SLC35F4: variants seen among roughly 807,000 people sequenced by gnomAD.
The protein encoded by SLC35F4 is chromosome 14 open reading frame 36.
SLC35F4 carries 24 observed loss-of-function variants against 44.2 expected under a neutral mutation model. The observed-to-expected ratio is 0.54, with a 90% CI of 0.39 to 0.76. SLC35F4 has a LOEUF of 0.76. Ranked by LOEUF, SLC35F4 falls within the 30% of genes least tolerant of loss-of-function variation. SLC35F4 has a pLI of 0.00. For missense variants in SLC35F4, 562 were observed against 586.1 expected (o/e 0.96, Z 0.42); for synonymous variants, 238 against 223.6 (o/e 1.06, Z -0.57).
intron 1 of SLC35F4, among the ~76,000 whole-genome samples, chr14:57,954,101 C>G (rs776809808): frequency 1.3e-5 from 2 of 152,108 alleles, no homozygotes; most frequent in Non-Finnish European, 2.9e-5. Context: ...TGCAATCAAA[C>G]TAGAACTCAG....
chr14:57,662,446 C>A (rs1008598182), intron 1 of SLC35F4, among the ~76,000 whole-genome samples: 1 of 152,132 alleles, frequency 6.6e-6, no homozygotes, highest in Non-Finnish European at 1.5e-5. Context: ...ATGCCTTTCT[C>A]GAGAGACTGA....
At position 57,815,084 on chromosome 14, in the gene SLC35F4, T is replaced by TTA. The variant is rs560159694; in HGVS notation, c.103+50638_103+50639insTA. ...TTTTGCTGCACTACAACTGCAGAGT[T>TTA]AACTAGTTTCAAAAGGCACCAAATG... On this transcript the variant is annotated intron_variant, in intron 1 of 7. Coordinates refer to ENST00000556826, the MANE Select transcript of SLC35F4 (RefSeq NM_001306087.2). Among the ~76,000 whole-genome samples, 15 of 152,328 alleles carry TTA rather than the reference T, an allele frequency of 9.8e-5. No homozygotes were observed. In the South Asian group the frequency reaches 3.1e-3, roughly 32 times the overall value.
At chr14:57,925,091 T>A (rs1274220746) in intron 1 of SLC35F4, among the ~76,000 whole-genome samples, 2 of 151,938 alleles carry the variant, frequency 1.3e-5, no homozygotes, top group African/African-American at 4.8e-5. Flanking sequence ...CAGGAACTAA[T>A]AAAGTGAGAA....
At chr14:57,961,398 G>A (rs1403608472) in intron 1 of SLC35F4, among the ~76,000 whole-genome samples, 2 of 152,174 alleles carry the variant, frequency 1.3e-5, no homozygotes, top group African/African-American at 2.4e-5. Flanking sequence ...GTCCTGAGGA[G>A]AGAGGAGAGT....
intron 1 of SLC35F4, among the ~76,000 whole-genome samples, chr14:57,819,899 G>A (rs1882992116): frequency 6.6e-6 from 1 of 151,874 alleles, no homozygotes. Flanking sequence ...ACTTAGGACT[G>A]TGTGGTATGG....
intron 1 of SLC35F4, among the ~76,000 whole-genome samples, chr14:57,818,581 G>A (rs932611700): frequency 2.0e-5 from 3 of 152,118 alleles, no homozygotes; most frequent in Non-Finnish European, 4.4e-5. Flanking sequence ...GTTTCATGGT[G>A]CTTCTCTGCC....
intron 1 of SLC35F4, among the ~76,000 whole-genome samples, chr14:57,963,074 C>T (rs1200864798): frequency 6.6e-6 from 1 of 152,166 alleles, no homozygotes; most frequent in East Asian, 1.9e-4. Flanking sequence ...GAGGGAGTTG[C>T]TCAAAGGTCA....
chr14:57,924,763 T>C lies in SLC35F4; in HGVS notation n.282+57150A>G, dbSNP rs151271871. The stretch of plus-strand genomic sequence containing the variant: ...AGCCCAGCCTACTTTTTTCTTTCTT[T>C]CTTCCTTCCTTCCTTTCTTTCTTTT... On this transcript the variant is annotated intron_variant and non_coding_transcript_variant, in intron 1 of 1. Transcript: ENST00000556568. Among the ~76,000 whole-genome samples the C allele has an allele frequency of 3.2e-3, 480 of 151,830 alleles. 3 individuals carry two copies. Among genetic ancestry groups the C allele is most frequent in the African/African-American group, 0.01 (431 of 41,386 alleles).
chr14:57,642,280 G>A (rs1455199294), intron 1 of SLC35F4, among the ~76,000 whole-genome samples: 1 of 151,514 alleles, frequency 6.6e-6, no homozygotes, highest in Admixed American at 6.6e-5. Context: ...TGTTTACATT[G>A]AAGACCGAGA....
intron 1 of SLC35F4, among the ~76,000 whole-genome samples, chr14:57,877,009 C>A (rs896635210): frequency 6.6e-6 from 1 of 151,362 alleles, no homozygotes; most frequent in African/African-American, 2.4e-5. Flanking sequence ...TTTCTTCTTT[C>A]CAACTTGTAT....
intron 1 of SLC35F4, among the ~76,000 whole-genome samples, chr14:57,789,747 T>G (rs1309403961): frequency 6.6e-6 from 1 of 152,154 alleles, no homozygotes; most frequent in African/African-American, 2.4e-5. Flanking sequence ...AAATTCTCAA[T>G]AAAATACTGG....
intron 1 of SLC35F4, among the ~76,000 whole-genome samples, chr14:57,977,386 A>T (rs1483999521): frequency 6.6e-6 from 1 of 152,162 alleles, no homozygotes; most frequent in Non-Finnish European, 1.5e-5. Context: ...GAGTCTGACA[A>T]GACCCAATAG....
At chr14:57,896,801 T>C (rs1213506245) in intron 1 of SLC35F4, among the ~76,000 whole-genome samples, 2 of 152,186 alleles carry the variant, frequency 1.3e-5, no homozygotes, top group Non-Finnish European at 2.9e-5. Context: ...TTTATGATTA[T>C]TGTTATTGCC....
In SLC35F4 at chr14:57,951,209, G is replaced by A. The variant is rs375748072; in HGVS notation, n.282+30704C>T. On this transcript the variant is annotated intron_variant and non_coding_transcript_variant, in intron 1 of 1. Coordinates refer to the SLC35F4 transcript ENST00000556568. The stretch of plus-strand genomic sequence containing the variant: ...TCAGGGACCTCCCTCCCCTAGCCAA[G>A]GGAAGCCATGAGGGACTGTGCTGTG... Among the ~76,000 whole-genome samples, 268 of 152,266 alleles carry A rather than the reference G, an allele frequency of 1.8e-3. 2 individuals carry two copies. The highest frequency in any genetic ancestry group is 5.9e-3 in the African/African-American group (247 of 41,558).
intron 1 of SLC35F4, among the ~76,000 whole-genome samples, chr14:57,891,275 C>T (rs1888758395): frequency 6.6e-6 from 1 of 152,186 alleles, no homozygotes; most frequent in African/African-American, 2.4e-5. Context: ...TTTCATTAAG[C>T]ATCTACTCGG....
intron 1 of SLC35F4, among the ~76,000 whole-genome samples, chr14:57,668,611 T>C (rs1474977435): frequency 6.6e-6 from 1 of 152,124 alleles, no homozygotes; most frequent in African/African-American, 2.4e-5. Flanking sequence ...TTCTTGTTTT[T>C]GTCAGGGTTG....
intron 1 of SLC35F4, among the ~76,000 whole-genome samples, chr14:57,637,890 C>A (rs2073076314): frequency 6.6e-6 from 1 of 152,012 alleles, no homozygotes; most frequent in African/African-American, 2.4e-5. Flanking sequence ...GGAGGTCAGA[C>A]ACACTTCTTT....
intron 1 of SLC35F4, among the ~76,000 whole-genome samples, chr14:57,657,023 G>A (rs779277193): frequency 6.6e-6 from 1 of 152,202 alleles, no homozygotes; most frequent in African/African-American, 2.4e-5. Context: ...CACGTGGCAG[G>A]TCTTTAATCA....
At chr14:57,908,231 T>C (rs1229601601) in intron 1 of SLC35F4, among the ~76,000 whole-genome samples, 6 of 152,234 alleles carry the variant, frequency 3.9e-5, no homozygotes, top group Admixed American at 3.9e-4. Flanking sequence ...TTTTCTATTG[T>C]AAATAGTGCT....
Sources: gnomAD v4.1 joint callset for allele counts (sites outside exome capture counted in the v4.1 genomes callset) on GRCh38, gnomAD v4.1.1 for gene constraint, MANE v1.5 for transcripts, NCBI Gene and HGNC (gene_info 2026-07-23, HGNC 2026-07-21) for gene names.